POLR3B: variants seen among roughly 807,000 people sequenced by gnomAD.
POLR3B encodes the protein DNA-directed RNA polymerase III subunit RPC2.
Under a neutral mutation model 147.4 loss-of-function variants are expected in POLR3B, and 96 were observed. The ratio of observed to expected loss-of-function variants is 0.65; its 90% CI spans 0.55 to 0.77. The LOEUF is 0.77. Ranked by LOEUF, POLR3B falls within the 30% of genes least tolerant of loss-of-function variation. The pLI is 0.00. For missense variants in POLR3B, 1,036 were observed against 1,413.5 expected (o/e 0.73, Z 4.28); for synonymous variants, 461 against 485.9 (o/e 0.95, Z 0.67).
chr12:106,486,287 C>CAAA (rs1195017160), intron 23 of POLR3B, among the ~76,000 whole-genome samples: 7 of 28,260 alleles, frequency 2.5e-4, no homozygotes, highest in Non-Finnish European at 5.7e-4. Context: ...GACTCCGTCT[C>CAAA]AAAAAAAAAA....
intron 4 of POLR3B, among the ~76,000 whole-genome samples, chr12:106,367,153 G>A (rs2036546070): frequency 6.6e-6 from 1 of 152,140 alleles, no homozygotes; most frequent in Non-Finnish European, 1.5e-5. Flanking sequence ...TAACTATAAA[G>A]TGCTCAAATT....
At chr12:106,421,752 T>A (rs2037376866) in intron 12 of POLR3B, among the ~76,000 whole-genome samples, 1 of 152,082 alleles carries the variant, frequency 6.6e-6, no homozygotes, top group African/African-American at 2.4e-5. Context: ...CAGGCTGGAG[T>A]GCAGTGGCAT....
chr12:106,488,255 T>C (rs568989119), intron 23 of POLR3B, among the ~76,000 whole-genome samples: 2 of 152,326 alleles, frequency 1.3e-5, no homozygotes, highest in Middle Eastern at 3.4e-3. Flanking sequence ...ATATATCTTA[T>C]CAGTAAATGT....
intron 21 of POLR3B, among the ~76,000 whole-genome samples, chr12:106,458,187 T>C (rs1399672402): frequency 6.6e-6 from 1 of 152,096 alleles, no homozygotes; most frequent in Non-Finnish European, 1.5e-5. Flanking sequence ...AGTGGCACAA[T>C]CTCAGCTCAC....
chr12:106,433,067 CTT>C (rs1309535550), intron 15 of POLR3B, among the ~76,000 whole-genome samples: 2 of 152,158 alleles, frequency 1.3e-5, no homozygotes, highest in African/African-American at 4.8e-5. Flanking sequence ...TCCCTTATCA[CTT>C]GTCTGTTCTC....
intron 6 of POLR3B, among the ~76,000 whole-genome samples, 195 bp from the exon 7 acceptor site, chr12:106,376,164 A>G (rs757012325): frequency 6.6e-6 from 1 of 152,120 alleles, no homozygotes; most frequent in Non-Finnish European, 1.5e-5. Context: ...TATCATCTGT[A>G]CTAGACGAGC....
intron 18 of POLR3B, among the ~76,000 whole-genome samples, chr12:106,439,350 C>T (rs2037619424): frequency 6.6e-6 from 1 of 152,136 alleles, no homozygotes; most frequent in South Asian, 2.1e-4. Context: ...GCACTCCAGC[C>T]TGGGTAAGAA....
At chr12:106,359,451 C>G (rs1364333325) in intron 1 of POLR3B, among the ~76,000 whole-genome samples, 1 of 151,592 alleles carries the variant, frequency 6.6e-6, no homozygotes, top group Non-Finnish European at 1.5e-5. Flanking sequence ...CCTGCCTCAG[C>G]CTCCCAAGTA....
chr12:106,504,144 T>C lies in POLR3B; in HGVS notation c.3162T>C (p.Cys1054=), dbSNP rs762678539. ...GLRLGEMERD[C]LIGYGASMLL... ...GTCTCGGGGAAATGGAACGTGACTG[T>C]TTAATCGGTTATGGAGCCAGTATGC... Residue 1054 remains cysteine (C), a synonymous_variant, in exon 27 of 28, where the codon TGT becomes TGC. Transcript: ENST00000228347. The surrounding 1 kb of genome is among the most constrained non-coding windows in gnomAD (Gnocchi z 4.6). 4.6e-5 allele frequency: 75 copies of C among 1,614,032 alleles called. No homozygotes were observed. Among genetic ancestry groups the C allele is most frequent in the Non-Finnish European group, 6.3e-5 (74 of 1,179,992 alleles).
rs147485228 is a variant in POLR3B at position 106,423,339 on chromosome 12, C to T, written c.1102-3858C>T. Among the ~76,000 whole-genome samples, 667 of 152,210 alleles carry T rather than the reference C, an allele frequency of 4.4e-3. 4 individuals carry two copies. The highest frequency in any genetic ancestry group is 0.015 in the African/African-American group (641 of 41,540). ...AAAGACATGACTAAAATTTTTCACA[C>T]CTTTTCACACATTAAAATTTTTTAG... On this transcript the variant is annotated intron_variant, in intron 12 of 27. Coordinates refer to ENST00000228347, the MANE Select transcript of POLR3B (RefSeq NM_018082.6).
At chr12:106,358,013 G>T in intron 1 of POLR3B, 62 bp downstream of exon 1, 1 of 1,590,122 alleles carries the variant, frequency 6.3e-7, no homozygotes, top group Non-Finnish European at 8.5e-7. Flanking sequence ...GGCGTTGCCC[G>T]GAGTGCTCGG....
Position 106,477,891 on chromosome 12 carries a change from C to CCTTTTTTTTTTTTTTTTTT in POLR3B, c.2713+14271_2713+14272insCTTTTTTTTTTTTTTTTTT, listed in dbSNP as rs1565909279. 7.1e-5 allele frequency among the ~76,000 whole-genome samples: 5 copies of CCTTTTTTTTTTTTTTTTTT among 70,478 alleles called. 2 individuals carry two copies. The highest frequency in any genetic ancestry group is 5.0e-5 in the Non-Finnish European group (2 of 40,338). 46.2% of individuals were successfully genotyped at this position (70,478 alleles called of 152,430 possible). A position where few individuals can be genotyped will look rare whatever the true frequency, so the allele number is the denominator to read the frequency against. On this transcript the variant is annotated intron_variant, in intron 23 of 27. Coordinates refer to ENST00000228347, the MANE Select transcript of POLR3B (RefSeq NM_018082.6). ...CTATTCGGCCATCTTGGCTCCTCCC[C>CCTTTTTTTTTTTTTTTTTT]TTTTTTTTTTTTTTTTTTTTTTTTT...
chr12:106,495,999 G>T, intron 23 of POLR3B, 56 bp from the exon 24 acceptor site: 1 of 997,212 alleles, frequency 1.0e-6, no homozygotes, highest in Non-Finnish European at 1.6e-6. Flanking sequence ...ATTAAGTACT[G>T]TATTCTTCCT....
At chr12:106,406,022 A>G (rs893402935) in intron 11 of POLR3B, 46 bp downstream of exon 11, 3 of 1,602,806 alleles carry the variant, frequency 1.9e-6, no homozygotes, top group Non-Finnish European at 1.7e-6. Context: ...GGGGTCTGTG[A>G]ATTCCTGTTA....
intron 23 of POLR3B, among the ~76,000 whole-genome samples, chr12:106,491,913 T>C (rs979976717): frequency 6.6e-6 from 1 of 152,160 alleles, no homozygotes; most frequent in Non-Finnish European, 1.5e-5. Flanking sequence ...GTGATTACAC[T>C]TAGAAGGTAG....
At chr12:106,486,928 G>T (rs1021347425) in intron 23 of POLR3B, among the ~76,000 whole-genome samples, 1 of 152,184 alleles carries the variant, frequency 6.6e-6, no homozygotes, top group African/African-American at 2.4e-5. Flanking sequence ...TTGGCTAGAT[G>T]TGACAGTAAA....
At chr12:106,393,633 G>A (rs1377601642) in intron 10 of POLR3B, among the ~76,000 whole-genome samples, 1 of 151,608 alleles carries the variant, frequency 6.6e-6, no homozygotes, top group African/African-American at 2.4e-5. Flanking sequence ...TGAATTCCCA[G>A]TGCTGCTTTG....
chr12:106,429,221 C>T (rs568205384), intron 13 of POLR3B, among the ~76,000 whole-genome samples: 2 of 152,258 alleles, frequency 1.3e-5, no homozygotes, highest in African/African-American at 2.4e-5. Context: ...GGTGCAATCT[C>T]AGCTCCCTGC....
At chr12:106,384,508 A>C (rs2036808208) in intron 9 of POLR3B, among the ~76,000 whole-genome samples, 1 of 152,096 alleles carries the variant, frequency 6.6e-6, no homozygotes, top group Non-Finnish European at 1.5e-5. Context: ...ACTTAGAATC[A>C]CCCAGCGCAC....
Sources: allele counts gnomAD v4.1 joint callset (sites outside exome capture counted in the v4.1 genomes callset), GRCh38; gene constraint gnomAD v4.1.1; non-coding constraint Gnocchi (gnomAD v3.1); transcripts MANE v1.5; gene names NCBI Gene and HGNC (gene_info 2026-07-23, HGNC 2026-07-21).